The following C3orf70 variants were observed in gnomAD, a reference collection of about 807,000 sequenced individuals.
C3orf70 encodes the protein UPF0524 protein C3orf70.
C3orf70 carries 15 observed loss-of-function variants against 20.7 expected under a neutral mutation model. That is an observed-to-expected ratio of 0.72 (90% CI 0.48 to 1.11). The LOEUF is 1.11. Ranked by LOEUF, C3orf70 falls within the 50% of genes most tolerant of loss-of-function variation. The pLI, the probability that C3orf70 is intolerant of heterozygous loss-of-function variation, is 0.00. For missense variants in C3orf70, 332 were observed against 317.6 expected (o/e 1.05, Z -0.34); for synonymous variants, 161 against 125.7 (o/e 1.28, Z -1.88).
chr3:185,093,061 T>A (rs999567483), intron 1 of C3orf70, among the ~76,000 whole-genome samples: 12 of 151,352 alleles, frequency 7.9e-5, no homozygotes, highest in Non-Finnish European at 1.5e-5. Flanking sequence ...ATGCCTGGGA[T>A]CTGAAGTGTT....
In C3orf70 at chr3:185,081,940, T is replaced by C. The variant is rs1396415619; in HGVS notation, c.*1067A>G. The stretch of plus-strand genomic sequence containing the variant: ...AGCAGAATTAATCAAACCTATTAGA[T>C]TCAGTCCTAATCCCTAAAGGGCTTC... On this transcript the variant is annotated 3_prime_UTR_variant, in exon 2 of 2. Transcript: ENST00000335012. 6.6e-6 allele frequency: 1 copy of C among 152,600 alleles called. No homozygotes were observed. Among genetic ancestry groups the C allele is most frequent in the East Asian group, 1.9e-4 (1 of 5,204 alleles). The allele number at this position is 152,600 out of a possible 1,614,324, so 9.5% of individuals were successfully genotyped here.
chr3:185,099,614 C>T (rs750591042), intron 1 of C3orf70, among the ~76,000 whole-genome samples: 2 of 152,152 alleles, frequency 1.3e-5, no homozygotes, highest in Non-Finnish European at 2.9e-5. Context: ...CAAAAACACA[C>T]TGAAGGACAC....
chr3:185,120,195 T>C (rs955599601), intron 1 of C3orf70, among the ~76,000 whole-genome samples: 2 of 152,158 alleles, frequency 1.3e-5, no homozygotes, highest in Non-Finnish European at 1.5e-5. Context: ...TGTACAAGCA[T>C]GTAAGACTAT....
At chr3:185,092,346 G>A (rs1159853262) in intron 1 of C3orf70, among the ~76,000 whole-genome samples, 1 of 152,086 alleles carries the variant, frequency 6.6e-6, no homozygotes, top group Non-Finnish European at 1.5e-5. Flanking sequence ...CCCTGCCCAA[G>A]CCCAGGGCCC....
chr3:185,118,765 A>G (rs780296447), intron 1 of C3orf70, among the ~76,000 whole-genome samples: 5 of 152,236 alleles, frequency 3.3e-5, no homozygotes, highest in East Asian at 1.9e-4. Flanking sequence ...AAAAATTTTA[A>G]AACAATTTAG....
chr3:185,125,152 G>A (rs1397337425), intron 1 of C3orf70, among the ~76,000 whole-genome samples: 1 of 152,112 alleles, frequency 6.6e-6, no homozygotes, highest in African/African-American at 2.4e-5. Context: ...GGCTGAGGTG[G>A]GTGGATCACC....
At chr3:185,104,225 AGAT>A (rs1037892796) in intron 1 of C3orf70, among the ~76,000 whole-genome samples, 1 of 152,202 alleles carries the variant, frequency 6.6e-6, no homozygotes, top group African/African-American at 2.4e-5. Flanking sequence ...CTTGGTTGTG[AGAT>A]GATGAGCTTG....
rs964521227 is a variant in C3orf70, at chr3:185,080,476, A to G, written c.*2531T>C. The G allele has an allele frequency of 6.6e-6, 1 of 152,616 alleles. No homozygotes were observed. The highest frequency in any genetic ancestry group is 6.5e-5 in the Admixed American group (1 of 15,280). 9.5% of individuals were successfully genotyped at this position (152,616 alleles called of 1,614,324 possible). A position where few individuals can be genotyped will look rare whatever the true frequency, so the allele number is the denominator to read the frequency against. On this transcript the variant is annotated 3_prime_UTR_variant, in exon 2 of 2. Coordinates refer to ENST00000335012, the MANE Select transcript of C3orf70 (RefSeq NM_001025266.3). Reference sequence around the variant, plus strand: ...GAAATCTGGTTGACTCCATTGGCTTAGTGGTGGGAATGTGGGCCTGTACGG... The same window carrying G: ...GAAATCTGGTTGACTCCATTGGCTTGGTGGTGGGAATGTGGGCCTGTACGG...
At chr3:185,148,813 C>A (rs936446300) in intron 1 of C3orf70, among the ~76,000 whole-genome samples, 1 of 152,166 alleles carries the variant, frequency 6.6e-6, no homozygotes, top group African/African-American at 2.4e-5. Context: ...TGCGCCATTA[C>A]CCAAATACAC....
At chr3:185,096,918 G>A (rs1379423041) in intron 1 of C3orf70, among the ~76,000 whole-genome samples, 1 of 152,164 alleles carries the variant, frequency 6.6e-6, no homozygotes, top group African/African-American at 2.4e-5. Context: ...ACCTGGGGAA[G>A]CAGTGCGTTT....
intron 1 of C3orf70, among the ~76,000 whole-genome samples, chr3:185,095,446 C>T (rs1349351215): frequency 1.3e-5 from 2 of 152,170 alleles, no homozygotes; most frequent in African/African-American, 4.8e-5. Context: ...ACAGATACTG[C>T]TAACAGAGTA....
intron 1 of C3orf70, among the ~76,000 whole-genome samples, chr3:185,108,010 G>A (rs1193394443): frequency 1.3e-5 from 2 of 152,116 alleles, no homozygotes; most frequent in Non-Finnish European, 2.9e-5. Flanking sequence ...AACTCAGATT[G>A]TTAAATTACA....
At position 185,100,930 on chromosome 3, in the gene C3orf70, A is replaced by G. The variant is rs181061042; in HGVS notation, c.197-17367T>C. On this transcript the variant is annotated intron_variant, in intron 1 of 1. Coordinates refer to ENST00000335012, the MANE Select transcript of C3orf70 (RefSeq NM_001025266.3). ...ACACCTCTACACACATAAACTAGAA[A>G]ACCTGTAAAAAATGGATAAATTCCT... Among the ~76,000 whole-genome samples the G allele has an allele frequency of 8.5e-5, 13 of 152,316 alleles. No homozygotes were observed. In the East Asian group the frequency reaches 1.5e-3, roughly 18 times the overall value.
chr3:185,091,961 ATATTTTTT>A (rs1715599041), intron 1 of C3orf70, among the ~76,000 whole-genome samples: 2 of 7,218 alleles, frequency 2.8e-4, no homozygotes, highest in Non-Finnish European at 2.4e-4. Context: ...ATATATATAT[ATATTTTTT>A]TTTTTTTTTA....
In C3orf70 at chr3:185,152,774, T is replaced by C. The variant is rs1217697874; in HGVS notation, c.50A>G (p.Lys17Arg). 6.3e-7 allele frequency: 1 copy of C among 1,581,642 alleles called. No individual in the cohort carries two copies. Among genetic ancestry groups the C allele is most frequent in the Non-Finnish European group, 8.6e-7 (1 of 1,164,616 alleles). Residue 17 changes from lysine (K) to arginine (R), a missense_variant, in exon 1 of 2, where the codon AAA becomes AGA. By Grantham distance (26) the Lys-to-Arg change is conservative (BLOSUM62 2). Transcript: ENST00000335012. ...CGCCAGGGCCTGAGCCTCATCTAGT[T>C]TCTCGCTCTTCCAACCCCGCTCCGA... is the stretch of plus-strand genomic sequence containing the variant. Reference protein sequence around the residue: ...PASERGWKSEKLDEAQALARS... With the variant: ...PASERGWKSERLDEAQALARS...
chr3:185,129,060 CTG>C (rs760843824), intron 1 of C3orf70, among the ~76,000 whole-genome samples: 9 of 152,010 alleles, frequency 5.9e-5, no homozygotes, highest in Non-Finnish European at 8.8e-5. Flanking sequence ...TTATTTTTTT[CTG>C]TGAGTCAAAG....
intron 1 of C3orf70, among the ~76,000 whole-genome samples, chr3:185,108,500 A>G (rs571064135): frequency 6.6e-6 from 1 of 152,380 alleles, no homozygotes; most frequent in South Asian, 2.1e-4. Flanking sequence ...TAGAATTAGA[A>G]TGCACCCTTT....
At position 185,080,147 on chromosome 3, in the gene C3orf70, A is replaced by C. The variant is rs1420093060; in HGVS notation, c.*2860T>G. ...CTTATTTAGAAAAGGTCATTTTGAG[A>C]TCCAGGAGTGTCTGATGCTTAGAAT... On this transcript the variant is annotated 3_prime_UTR_variant, in exon 2 of 2. Coordinates refer to ENST00000335012, the MANE Select transcript of C3orf70 (RefSeq NM_001025266.3). 2 of 152,666 alleles carry C rather than the reference A, an allele frequency of 1.3e-5. No individual in the cohort carries two copies. Among genetic ancestry groups the C allele is most frequent in the Non-Finnish European group, 2.9e-5 (2 of 68,050 alleles). 9.5% of individuals were successfully genotyped at this position (152,666 alleles called of 1,614,324 possible).
chr3:185,098,762 T>C (rs563835753), intron 1 of C3orf70, among the ~76,000 whole-genome samples: 1 of 152,338 alleles, frequency 6.6e-6, no homozygotes, highest in South Asian at 2.1e-4. Flanking sequence ...TTTAAATCAG[T>C]GAAGTCTGAG....
Sources: gnomAD v4.1 joint callset for allele counts (sites outside exome capture counted in the v4.1 genomes callset) on GRCh38, gnomAD v4.1.1 for gene constraint, MANE v1.5 for transcripts, NCBI Gene and HGNC (gene_info 2026-07-23, HGNC 2026-07-21) for gene names.